The following CFAP54 variants were observed in gnomAD, a reference collection of about 807,000 sequenced individuals.
CFAP54 encodes cilia and flagella associated protein 54.
A neutral mutation model predicts 370.4 loss-of-function variants in CFAP54; 290 were observed. That is an observed-to-expected ratio of 0.78 (90% CI 0.71 to 0.86). The LOEUF (loss-of-function observed/expected upper bound fraction) is 0.86. Ranked by LOEUF, CFAP54 falls within the 40% of genes least tolerant of loss-of-function variation. CFAP54 has a pLI of 0.00. For missense variants in CFAP54, 3,399 were observed against 3,528.7 expected (o/e 0.96, Z 0.93); for synonymous variants, 1,206 against 1,236.5 (o/e 0.98, Z 0.52).
intron 19 of CFAP54, among the ~76,000 whole-genome samples, chr12:96,574,467 AG>A (rs1955955907): frequency 6.6e-6 from 1 of 152,104 alleles, no homozygotes; most frequent in South Asian, 2.1e-4. Flanking sequence ...CTTAGCACTA[AG>A]AGTCCTATTT....
At chr12:96,552,924 A>G in intron 15 of CFAP54, among the ~76,000 whole-genome samples, 1 of 152,210 alleles carries the variant, frequency 6.6e-6, no homozygotes, top group East Asian at 1.9e-4. Context: ...GAGAAGAGAT[A>G]CTTCTTAATC....
At chr12:96,723,866 C>A (rs1229117750) in intron 50 of CFAP54, among the ~76,000 whole-genome samples, 2 of 125,890 alleles carry the variant, frequency 1.6e-5, no homozygotes, top group Non-Finnish European at 3.2e-5. Context: ...GTGTGATGTT[C>A]CCCTTCCTGT....
intron 55 of CFAP54, among the ~76,000 whole-genome samples, chr12:96,753,178 C>T (rs1056316796): frequency 6.6e-6 from 1 of 152,162 alleles, no homozygotes; most frequent in African/African-American, 2.4e-5. Context: ...ATGTCTCTTC[C>T]ATACAATGGT....
chr12:96,873,282 A>G (rs1485088813), intron 67 of CFAP54, among the ~76,000 whole-genome samples: 1 of 152,230 alleles, frequency 6.6e-6, no homozygotes, highest in Admixed American at 6.5e-5. Flanking sequence ...ATAATAAGGG[A>G]AAAAGAGCTG....
intron 32 of CFAP54, among the ~76,000 whole-genome samples, chr12:96,640,076 C>T (rs2136486490): frequency 6.6e-6 from 1 of 152,148 alleles, no homozygotes; most frequent in East Asian, 1.9e-4. Flanking sequence ...AAGTTCTGGC[C>T]AGGGCAATCA....
In CFAP54 at chr12:96,647,910, A is replaced by G. The variant is rs1592906199; in HGVS notation, c.4583A>G (p.Tyr1528Cys). The G allele has an allele frequency of 1.3e-6, 2 of 1,513,944 alleles. No individual in the cohort carries two copies. The highest frequency in any genetic ancestry group is 2.5e-5 in the East Asian group (1 of 39,304). 93.8% of individuals were successfully genotyped at this position (1,513,944 alleles called of 1,614,324 possible). The change falls in exon 34 of 68, where the codon TAT becomes TGT. Residue 1528 changes from tyrosine to cysteine, a missense_variant. Around this residue, in one of 3 missense-constraint regions of CFAP54, gnomAD observed 2,796 missense variants for 2,869.7 expected, o/e 0.97. Coordinates refer to ENST00000524981, the MANE Select transcript of CFAP54 (RefSeq NM_001306084.2). Reference protein sequence around the residue: ...RSCDPNMFSLYNSGTVLPTRK... With the variant: ...RSCDPNMFSLCNSGTVLPTRK... ...TGTGATCCTAACATGTTTTCACTGT[A>G]TAATTCAGGAACAGTATTACCAACA...
intron 20 of CFAP54, 28 bp from the exon 21 acceptor site, chr12:96,580,569 T>G: frequency 7.2e-7 from 1 of 1,397,366 alleles, no homozygotes; most frequent in Non-Finnish European, 9.5e-7. Context: ...GAATGCCTTT[T>G]AAACAGGCTC....
At chr12:96,635,081 A>G (rs961338682) in intron 32 of CFAP54, among the ~76,000 whole-genome samples, 1 of 152,184 alleles carries the variant, frequency 6.6e-6, no homozygotes, top group Non-Finnish European at 1.5e-5. Flanking sequence ...GTACCATTTC[A>G]TATACATTTT....
In CFAP54 at chr12:96,764,206, T is replaced by G. The variant is rs1376690318; in HGVS notation, c.8096T>G (p.Met2699Arg). 4 of 1,613,292 alleles carry G rather than the reference T, an allele frequency of 2.5e-6. No individual in the cohort carries two copies. Among genetic ancestry groups the G allele is most frequent in the Non-Finnish European group, 3.4e-6 (4 of 1,179,736 alleles). Residue 2699 changes from methionine (M) to arginine (R), a missense_variant, in exon 59 of 68, where the codon ATG becomes AGG. Around this residue, in one of 3 missense-constraint regions of CFAP54, gnomAD observed 2,796 missense variants for 2,869.7 expected, o/e 0.97. Transcript: ENST00000524981. ...GAAACATCAGCAAATAAATTTGAAATGTACAGTTCATTAGCCTGGATTGCA... is the reference window on the plus strand; with the variant it reads ...GAAACATCAGCAAATAAATTTGAAAGGTACAGTTCATTAGCCTGGATTGCA... ...VKETSANKFE[M>R]YSSLAWIAIR...
At chr12:96,646,255 GA>G (rs1367866464) in intron 33 of CFAP54, 2 of 151,992 alleles carry the variant, frequency 1.3e-5, no homozygotes, top group East Asian at 3.9e-4. Flanking sequence ...AAATTTACAA[GA>G]AAAAAACAAC....
At position 96,784,860 on chromosome 12, in the gene CFAP54, CAG is replaced by C. The variant is rs1958614063; in HGVS notation, c.8428_8429del (p.Arg2810AspfsTer2). 6.5e-7 allele frequency: 1 copy of C among 1,528,178 alleles called. No individual in the cohort carries two copies. The allele number at this position is 1,528,178 out of a possible 1,614,324, so 94.7% of individuals were successfully genotyped here. On this transcript the variant is annotated frameshift_variant, in exon 61 of 68. Transcript: ENST00000524981. LOFTEE classifies it high-confidence loss of function. ...ILLLRYYIHL[Q>X]RINNLSKLLA... Reference sequence around the variant, plus strand: ...TCTACTGCGCTACTATATTCACCTTCAGAGGATTAATAATCTGAGCAAACTGC... The same window carrying C: ...TCTACTGCGCTACTATATTCACCTTCAGGATTAATAATCTGAGCAAACTGC...
At chr12:96,668,162 T>C (rs1450650385) in intron 39 of CFAP54, among the ~76,000 whole-genome samples, 1 of 152,212 alleles carries the variant, frequency 6.6e-6, no homozygotes, top group Non-Finnish European at 1.5e-5. Context: ...TGTAAATCTC[T>C]AGGAAGTTCC....
At chr12:96,512,331 AT>A in intron 4 of CFAP54, among the ~76,000 whole-genome samples, 1 of 36,768 alleles carries the variant, frequency 2.7e-5, no homozygotes, top group African/African-American at 1.1e-4. Context: ...ATATATATAT[AT>A]ATATATATAT....
chr12:96,594,340 G>C lies in CFAP54; in HGVS notation c.3410G>C (p.Ser1137Thr). Residue 1137 changes from serine to threonine, a missense_variant, in exon 25 of 68, where the codon AGC becomes ACC. Physicochemically the swap from Ser to Thr is moderately conservative, Grantham distance 58. Transcript: ENST00000524981. ...AGAGTATTAGTGGCATTGGAACTTAGCAACTTCCTAAATGATTCCAGCTAT... is the reference window on the plus strand; with the variant it reads ...AGAGTATTAGTGGCATTGGAACTTACCAACTTCCTAAATGATTCCAGCTAT... ...CERVLVALEL[S>T]NFLNDSSYAL... 6.5e-7 allele frequency: 1 copy of C among 1,534,724 alleles called. No homozygotes were observed. Among genetic ancestry groups the C allele is most frequent in the Non-Finnish European group, 8.7e-7 (1 of 1,145,874 alleles).
intron 24 of CFAP54, among the ~76,000 whole-genome samples, chr12:96,593,681 A>C (rs1017807084): frequency 1.9e-4 from 29 of 150,440 alleles, no homozygotes; most frequent in African/African-American, 6.3e-4. Context: ...TTTATACATA[A>C]TCTTGAATAT....
chr12:96,533,782 C>T lies in CFAP54; in HGVS notation c.1358-10C>T. 2.0e-6 allele frequency: 3 copies of T among 1,498,148 alleles called. No individual in the cohort carries two copies. The highest frequency in any genetic ancestry group is 2.6e-6 in the Non-Finnish European group (3 of 1,132,078). The allele number at this position is 1,498,148 out of a possible 1,614,324, so 92.8% of individuals were successfully genotyped here. The stretch of plus-strand genomic sequence containing the variant: ...GAGTGATATTCAAAACTCTCTTCTT[C>T]CTTTCCTAGTGTCAAATATTGGTGC... On this transcript the variant is annotated splice_polypyrimidine_tract_variant and intron_variant, in intron 9 of 67. Coordinates refer to ENST00000524981, the MANE Select transcript of CFAP54 (RefSeq NM_001306084.2).
At chr12:96,829,261 A>G (rs1443284420) in intron 66 of CFAP54, among the ~76,000 whole-genome samples, 173 bp downstream of exon 66, 1 of 152,186 alleles carries the variant, frequency 6.6e-6, no homozygotes, top group Non-Finnish European at 1.5e-5. Flanking sequence ...TAAAAAAATT[A>G]TGTGTTCAAA....
At chr12:96,868,493 T>C (rs536982355) in intron 67 of CFAP54, among the ~76,000 whole-genome samples, 175 of 151,900 alleles carry the variant, frequency 1.2e-3, no homozygotes, top group African/African-American at 4.0e-3. Flanking sequence ...TGTTTTTATA[T>C]ATTTTTGTGA....
At chr12:96,614,696 C>A (rs1565915153) in intron 26 of CFAP54, among the ~76,000 whole-genome samples, 5 of 152,184 alleles carry the variant, frequency 3.3e-5, no homozygotes, top group Non-Finnish European at 2.9e-5. Context: ...GTGCAAAAAT[C>A]ACAAGTATTC....
Sources: gnomAD v4.1 joint callset for allele counts (sites outside exome capture counted in the v4.1 genomes callset) on GRCh38, gnomAD v4.1.1 for gene constraint, gnomAD v4.1.1 regional missense constraint, MANE v1.5 for transcripts, NCBI Gene and HGNC (gene_info 2026-07-23, HGNC 2026-07-21) for gene names.